The following SV2C variants were observed in gnomAD, a reference collection of about 807,000 sequenced individuals.
SV2C encodes solute carrier family 22 member B3.
Under a neutral mutation model 79.7 loss-of-function variants are expected in SV2C, and 49 were observed. That is an observed-to-expected ratio of 0.61 (90% CI 0.49 to 0.78). The LOEUF (loss-of-function observed/expected upper bound fraction) is 0.78. Among genes scored for constraint, SV2C ranks in the 30% least tolerant of loss-of-function variants. The probability of loss-of-function intolerance (pLI) is 0.00; values close to 1 mark genes in which losing one functional copy is unlikely to be tolerated. For missense variants in SV2C, 833 were observed against 912.9 expected (o/e 0.91, Z 1.13); for synonymous variants, 334 against 333.2 (o/e 1.00, Z -0.03).
chr5:76,275,502 G>A (rs377087436), intron 4 of SV2C, among the ~76,000 whole-genome samples: 410 of 147,168 alleles, frequency 2.8e-3, no homozygotes, highest in African/African-American at 9.8e-3. Flanking sequence ...AAAAAAAAAC[G>A]AACACAAACA....
the SV2C span, among the ~76,000 whole-genome samples, chr5:75,999,074 C>T: frequency 6.4e-3 from 976 of 152,046 alleles, 4 homozygotes; most frequent in Non-Finnish European, 0.011. Context: ...AATTAGAGAA[C>T]GTGTGCAAGG....
intron 1 of SV2C, among the ~76,000 whole-genome samples, chr5:76,120,187 A>T (rs1040323189): frequency 6.6e-6 from 1 of 152,190 alleles, no homozygotes; most frequent in African/African-American, 2.4e-5. Context: ...CATTTCATAA[A>T]TCATCAGAGC....
At chr5:76,260,926 G>A (rs2112456830) in intron 4 of SV2C, among the ~76,000 whole-genome samples, 1 of 150,064 alleles carries the variant, frequency 6.7e-6, no homozygotes, top group South Asian at 2.2e-4. Flanking sequence ...GGTTGTATGG[G>A]CTCTTTTTGG....
At chr5:76,057,349 G>A in the SV2C span, among the ~76,000 whole-genome samples, 1 of 151,866 alleles carries the variant, frequency 6.6e-6, no homozygotes, top group Non-Finnish European at 1.5e-5. Flanking sequence ...ATTTACATTA[G>A]GTATATCTCC....
chr5:76,017,727 G>A, the SV2C span, among the ~76,000 whole-genome samples: 2 of 152,112 alleles, frequency 1.3e-5, no homozygotes, highest in African/African-American at 4.8e-5. Flanking sequence ...ATCTTTTCCT[G>A]TTGGGGTGGA....
intron 12 of SV2C, among the ~76,000 whole-genome samples, chr5:76,322,499 C>T (rs1324760446): frequency 1.3e-5 from 2 of 152,200 alleles, no homozygotes; most frequent in Non-Finnish European, 2.9e-5. Flanking sequence ...TCCCATCCAA[C>T]TACCATTGAC....
At chr5:76,276,228 T>G (rs1462285707) in intron 4 of SV2C, among the ~76,000 whole-genome samples, 1 of 152,204 alleles carries the variant, frequency 6.6e-6, no homozygotes, top group African/African-American at 2.4e-5. Flanking sequence ...TACACCTTCG[T>G]TCTTATATCT....
At chr5:76,121,985 A>T (rs1231616712) in intron 1 of SV2C, among the ~76,000 whole-genome samples, 1 of 152,082 alleles carries the variant, frequency 6.6e-6, no homozygotes, top group East Asian at 1.9e-4. Context: ...CACGATATTG[A>T]TTCTTCCTAC....
At chr5:76,088,785 A>T (rs1234736918) in intron 1 of SV2C, among the ~76,000 whole-genome samples, 1 of 145,942 alleles carries the variant, frequency 6.9e-6, no homozygotes, top group Non-Finnish European at 1.6e-5. Context: ...CTAATTTTAC[A>T]ATTTCCTTTT....
chr5:75,985,133 G>A, the SV2C span, among the ~76,000 whole-genome samples: 19 of 151,900 alleles, frequency 1.3e-4, no homozygotes, highest in Admixed American at 9.2e-4. Flanking sequence ...CAGAAGAGGA[G>A]CAGCTATGTG....
At chr5:76,040,195 C>T in the SV2C span, among the ~76,000 whole-genome samples, 1 of 152,086 alleles carries the variant, frequency 6.6e-6, no homozygotes, top group South Asian at 2.1e-4. Context: ...AGCATATCAA[C>T]TAAGGAACAC....
At chr5:75,947,325 C>A in the SV2C span, among the ~76,000 whole-genome samples, 1 of 151,858 alleles carries the variant, frequency 6.6e-6, no homozygotes, top group Non-Finnish European at 1.5e-5. Flanking sequence ...AATGATCACT[C>A]CCTCCATATT....
Position 76,339,243 on chromosome 5 carries a change from C to T in SV2C, c.2001-13887C>T, listed in dbSNP as rs73764350. Among the ~76,000 whole-genome samples, 446 of 152,106 alleles carry T rather than the reference C, an allele frequency of 2.9e-3. 1 individual carries two copies. The highest frequency in any genetic ancestry group is 0.01 in the African/African-American group (421 of 41,478). On this transcript the variant is annotated intron_variant, in intron 12 of 12. Coordinates refer to the SV2C transcript ENST00000322285. ...AACAAAATCCAGAAAAATAACAATCCTTTTTATTAACTGCCTGACACATTT... is the reference window on the plus strand; with the variant it reads ...AACAAAATCCAGAAAAATAACAATCTTTTTTATTAACTGCCTGACACATTT...
chr5:76,194,755 T>G lies in SV2C; in HGVS notation c.581-164T>G, dbSNP rs16873244. 4.6e-3 allele frequency among the ~76,000 whole-genome samples: 703 copies of G among 152,358 alleles called. 7 individuals are homozygous for G. Among genetic ancestry groups the G allele is most frequent in the African/African-American group, 0.016 (663 of 41,578 alleles). ...CAAGTGTTTTTTCCATATTGCTTAC[T>G]CTTCAACTTGAAAACTGATTACTGT... is the stretch of plus-strand genomic sequence containing the variant. On this transcript the variant is annotated intron_variant, in intron 2 of 12. Coordinates refer to ENST00000502798, the MANE Select transcript of SV2C (RefSeq NM_014979.4).
At chr5:76,287,958 G>T (rs1202274370) in intron 6 of SV2C, among the ~76,000 whole-genome samples, 1 of 152,104 alleles carries the variant, frequency 6.6e-6, no homozygotes, top group Non-Finnish European at 1.5e-5. Flanking sequence ...GATGGCACCT[G>T]CCTGTAATCC....
the SV2C span, among the ~76,000 whole-genome samples, chr5:75,936,912 G>C: frequency 2.6e-4 from 40 of 152,278 alleles, no homozygotes; most frequent in African/African-American, 6.7e-4. Context: ...TCCTTGCTTT[G>C]CACAGTAGTG....
At chr5:76,056,709 T>C in the SV2C span, among the ~76,000 whole-genome samples, 3 of 149,916 alleles carry the variant, frequency 2.0e-5, no homozygotes, top group Non-Finnish European at 4.4e-5. Context: ...TATTCAGGGA[T>C]TTGATTTCTT....
At chr5:76,150,716 CAGTTTCAACCTCCTGGGCTCA>C (rs1749579386) in intron 2 of SV2C, among the ~76,000 whole-genome samples, 1 of 135,682 alleles carries the variant, frequency 7.4e-6, no homozygotes, top group Admixed American at 8.4e-5. Context: ...TGGCTCACTG[CAGTTTCAACCTCCTGGGCTCA>C]AGTGATCCTC....
upstream of SV2C, among the ~76,000 whole-genome samples, chr5:76,082,568 T>C (rs1167682489): frequency 1.3e-5 from 2 of 151,632 alleles, no homozygotes; most frequent in African/African-American, 2.4e-5. Flanking sequence ...CCTTTCTTTC[T>C]TTCTCTTTTT....
Sources: allele counts gnomAD v4.1 joint callset (sites outside exome capture counted in the v4.1 genomes callset), GRCh38; gene constraint gnomAD v4.1.1; transcripts MANE v1.5; gene names NCBI Gene and HGNC (gene_info 2026-07-23, HGNC 2026-07-21).